Variants in DCLK2 observed in about 807,000 individuals in gnomAD.
DCLK2 encodes the protein serine/threonine-protein kinase DCLK2.
Under a neutral mutation model 78.4 loss-of-function variants are expected in DCLK2, and 31 were observed. The observed-to-expected ratio is 0.40, with a 90% CI of 0.30 to 0.53. The LOEUF is 0.53. Ranked by LOEUF, DCLK2 falls within the 20% of genes least tolerant of loss-of-function variation. The probability of loss-of-function intolerance (pLI) is 0.61; values close to 1 mark genes in which losing one functional copy is unlikely to be tolerated. For missense variants in DCLK2, 872 were observed against 973.7 expected (o/e 0.90, Z 1.39); for synonymous variants, 407 against 374.9 (o/e 1.09, Z -0.99).
chr4:150,127,192 T>C (rs1328580414), intron 2 of DCLK2, among the ~76,000 whole-genome samples: 1 of 152,190 alleles, frequency 6.6e-6, no homozygotes, highest in Non-Finnish European at 1.5e-5. Context: ...ATAATTTTTT[T>C]ATAGAAATGA....
At chr4:150,205,686 A>G (rs1739792007) in intron 5 of DCLK2, among the ~76,000 whole-genome samples, 1 of 152,236 alleles carries the variant, frequency 6.6e-6, no homozygotes, top group African/African-American at 2.4e-5. Flanking sequence ...TTGGAAGTAC[A>G]TTGTTATTAA....
intron 5 of DCLK2, among the ~76,000 whole-genome samples, chr4:150,216,464 C>A (rs570713789): frequency 1.3e-5 from 2 of 152,248 alleles, no homozygotes; most frequent in East Asian, 1.9e-4. Context: ...ATGGTGAAAC[C>A]CTGTCTCTAC....
At chr4:150,220,815 A>G (rs1368234395) in intron 6 of DCLK2, 37 bp downstream of exon 6, 2 of 1,516,058 alleles carry the variant, frequency 1.3e-6, no homozygotes, top group Non-Finnish European at 9.1e-7. Context: ...GATAAAGGAA[A>G]TCATGCATGG....
At chr4:150,155,771 G>T (rs1735226766) in intron 2 of DCLK2, among the ~76,000 whole-genome samples, 1 of 152,178 alleles carries the variant, frequency 6.6e-6, no homozygotes, top group Non-Finnish European at 1.5e-5. Flanking sequence ...GCAATGGGAA[G>T]AGGGCAGACG....
intron 1 of DCLK2, among the ~76,000 whole-genome samples, chr4:150,096,456 G>T (rs1347029972): frequency 6.6e-6 from 1 of 152,194 alleles, no homozygotes; most frequent in Non-Finnish European, 1.5e-5. Flanking sequence ...ATTCCTCAGA[G>T]TGTAGATGGT....
intron 2 of DCLK2, among the ~76,000 whole-genome samples, chr4:150,174,656 T>A (rs1444671528): frequency 6.6e-6 from 1 of 151,786 alleles, no homozygotes; most frequent in Admixed American, 6.6e-5. Flanking sequence ...AGTCCCACTT[T>A]TCTGAATAAA....
intron 2 of DCLK2, 152 bp downstream of exon 2, chr4:150,102,964 TG>T: frequency 1.4e-6 from 1 of 719,828 alleles, no homozygotes; most frequent in Non-Finnish European, 2.2e-6. Context: ...TGTGTGTGTG[TG>T]TGTATGTATG....
intron 2 of DCLK2, among the ~76,000 whole-genome samples, chr4:150,107,537 T>C (rs1359868693): frequency 6.6e-6 from 1 of 151,820 alleles, no homozygotes; most frequent in Non-Finnish European, 1.5e-5. Flanking sequence ...ACACCATGCC[T>C]GGCTAATTTT....
intron 2 of DCLK2, among the ~76,000 whole-genome samples, chr4:150,127,104 T>C (rs1487832329): frequency 6.6e-6 from 1 of 152,224 alleles, no homozygotes; most frequent in Non-Finnish European, 1.5e-5. Flanking sequence ...ATGATCTCAA[T>C]ATATCTCATT....
At chr4:150,253,340 C>T in intron 15 of DCLK2, 1 of 915,596 alleles carries the variant, frequency 1.1e-6, no homozygotes, top group South Asian at 1.3e-5. Flanking sequence ...ACCTTCCCAT[C>T]TGCTGTCACC....
intron 2 of DCLK2, among the ~76,000 whole-genome samples, chr4:150,184,315 T>G (rs995682844): frequency 2.6e-5 from 4 of 152,202 alleles, no homozygotes; most frequent in African/African-American, 9.7e-5. Context: ...CGATGGACAT[T>G]ACTATGTAGC....
At chr4:150,096,336 T>A (rs1222318152) in intron 1 of DCLK2, among the ~76,000 whole-genome samples, 3 of 152,092 alleles carry the variant, frequency 2.0e-5, no homozygotes, top group Non-Finnish European at 4.4e-5. Flanking sequence ...GAGAGTGAAA[T>A]TCGTTTTAGA....
At chr4:150,219,513 G>A (rs1319430719) in intron 5 of DCLK2, among the ~76,000 whole-genome samples, 4 of 151,956 alleles carry the variant, frequency 2.6e-5, no homozygotes, top group African/African-American at 4.8e-5. Flanking sequence ...CACCCGTCAC[G>A]GCCTCCCAAA....
At chr4:150,137,446 A>G (rs1366157407) in intron 2 of DCLK2, among the ~76,000 whole-genome samples, 1 of 152,188 alleles carries the variant, frequency 6.6e-6, no homozygotes, top group Admixed American at 6.5e-5. Flanking sequence ...TCTTGAGACA[A>G]GGGTTGATGA....
chr4:150,248,882 C>T (rs1318560173), intron 14 of DCLK2, among the ~76,000 whole-genome samples: 1 of 152,080 alleles, frequency 6.6e-6, no homozygotes, highest in Non-Finnish European at 1.5e-5. Flanking sequence ...CCCAGAGGCT[C>T]AGGTGGTCTC....
chr4:150,135,898 G>A (rs1027336290), intron 2 of DCLK2, among the ~76,000 whole-genome samples: 3 of 152,234 alleles, frequency 2.0e-5, no homozygotes, highest in African/African-American at 7.2e-5. Flanking sequence ...AGCTTTGAAA[G>A]TGAGATGGAA....
At chr4:150,193,679 A>C (rs568323584) in intron 3 of DCLK2, among the ~76,000 whole-genome samples, 4 of 152,196 alleles carry the variant, frequency 2.6e-5, no homozygotes, top group Admixed American at 1.3e-4. Flanking sequence ...GAAATAGATG[A>C]AAGGATAATA....
intron 2 of DCLK2, among the ~76,000 whole-genome samples, chr4:150,151,924 CAA>C (rs767846412): frequency 8.4e-5 from 11 of 131,038 alleles, no homozygotes; most frequent in African/African-American, 2.2e-4. Context: ...GGCTCTGTCT[CAA>C]AAAAAAAAAA....
intron 2 of DCLK2, among the ~76,000 whole-genome samples, chr4:150,138,370 A>T (rs1258199359): frequency 6.6e-6 from 1 of 152,070 alleles, no homozygotes; most frequent in African/African-American, 2.4e-5. Context: ...GCACTTTGGG[A>T]GGCCGAGGCG....
Sources: allele counts gnomAD v4.1 joint callset (sites outside exome capture counted in the v4.1 genomes callset), GRCh38; gene constraint gnomAD v4.1.1; transcripts MANE v1.5; gene names NCBI Gene and HGNC (gene_info 2026-07-23, HGNC 2026-07-21).